The following MFAP5 variants were observed in gnomAD, a reference collection of about 807,000 sequenced individuals.
MFAP5 encodes the protein microfibrillar-associated protein 5.
In MFAP5, 19 loss-of-function variants were observed where a neutral mutation model predicts 30.1. The ratio of observed to expected loss-of-function variants is 0.63; its 90% confidence interval spans 0.44 to 0.93. The LOEUF (loss-of-function observed/expected upper bound fraction) is 0.93, where lower values mean the gene tolerates loss of function less well. Ranked by LOEUF, MFAP5 falls within the 40% of genes least tolerant of loss-of-function variation. MFAP5 has a pLI of 0.00. For synonymous variants in MFAP5, 92 were observed against 72.9 expected, an observed-to-expected ratio of 1.26 and a Z score of -1.33; for missense variants, 210 against 221.3, an observed-to-expected ratio of 0.95 and a Z score of 0.32.
rs1050050138 is a variant in MFAP5 at position 8,662,472 on chromosome 12, G to A, written c.-3+155C>T. The A allele has an allele frequency of 2.3e-5, 5 of 220,582 alleles. No homozygotes were observed. The East Asian group carries it at 4.1e-4, about 18-fold the overall frequency. 13.7% of individuals were successfully genotyped at this position (220,582 alleles called of 1,614,324 possible). On this transcript the variant is annotated intron_variant, in intron 1 of 9. Coordinates refer to ENST00000359478, the MANE Select transcript of MFAP5 (RefSeq NM_003480.4). ...TTTCATATCATCTGCTCATCTTGGCGTCTCCTTCATCAGAATTCCACGGTT... is the reference window on the plus strand; with the variant it reads ...TTTCATATCATCTGCTCATCTTGGCATCTCCTTCATCAGAATTCCACGGTT...
intron 1 of MFAP5, chr12:8,662,418 G>T: frequency 3.6e-6 from 1 of 277,510 alleles, no homozygotes. Flanking sequence ...CCCCTGATGT[G>T]GAATCTTCCT....
In MFAP5 at chr12:8,647,325, C is replaced by T. The variant is rs944788921; in HGVS notation, c.*766G>A. 2 of 152,328 alleles carry T rather than the reference C, an allele frequency of 1.3e-5. No homozygotes were observed. The highest frequency in any genetic ancestry group is 2.9e-5 in the Non-Finnish European group (2 of 68,040). The allele number at this position is 152,328 out of a possible 1,614,324, so 9.4% of individuals were successfully genotyped here. A position where few individuals can be genotyped will look rare whatever the true frequency, so the allele number is the denominator to read the frequency against. ...GGTTCATCCCGGTACTACCCATAAACGAATCAGTAAATGAGACTTAGTTTC... is the reference window on the plus strand; with the variant it reads ...GGTTCATCCCGGTACTACCCATAAATGAATCAGTAAATGAGACTTAGTTTC... On this transcript the variant is annotated 3_prime_UTR_variant, in exon 10 of 10. Transcript: ENST00000359478.
rs377118259 is a variant in MFAP5, at chr12:8,649,314, T to TCTTAGG, written c.409+186_409+187insCCTAAG. Among the ~76,000 whole-genome samples, 2,857 of 152,298 alleles carry TCTTAGG rather than the reference T, an allele frequency of 0.019. 84 individuals carry two copies. Among genetic ancestry groups the TCTTAGG allele is most frequent in the African/African-American group, 0.065 (2,713 of 41,544 alleles). Reference sequence around the variant, plus strand: ...GGGGTACTTTTCTTAGGGTTATGTTTGTATATCAAGCATACTGCTTTATGT... The same window carrying TCTTAGG: ...GGGGTACTTTTCTTAGGGTTATGTTTCTTAGGGTATATCAAGCATACTGCTTTATGT... On this transcript the variant is annotated intron_variant, in intron 9 of 9. Coordinates refer to ENST00000359478, the MANE Select transcript of MFAP5 (RefSeq NM_003480.4).
At chr12:8,656,668 A>ATATTTTTT (rs1174790172) in intron 3 of MFAP5, among the ~76,000 whole-genome samples, 4 of 118,788 alleles carry the variant, frequency 3.4e-5, no homozygotes, top group African/African-American at 1.4e-4. Context: ...ATATATATAT[A>ATATTTTTT]TTTTTTTTTT....
intron 2 of MFAP5, 93 bp from the exon 3 acceptor site, chr12:8,660,991 G>T: frequency 9.2e-7 from 1 of 1,084,154 alleles, no homozygotes; most frequent in Non-Finnish European, 1.4e-6. Flanking sequence ...ATGGAGAAAT[G>T]GTTATACTTT....
rs12813004 is a variant in MFAP5, at chr12:8,649,836, A to G, written c.336-262T>C. ...GTACAGGTGGTTTTTGGTTACATGG[A>G]TAAGTTCTTTAGTGGTGATTTCTGA... is the stretch of plus-strand genomic sequence containing the variant. On this transcript the variant is annotated intron_variant, in intron 8 of 9. Transcript: ENST00000359478. Among the ~76,000 whole-genome samples, 13,312 of 152,092 alleles carry G rather than the reference A, an allele frequency of 0.088. 715 individuals are homozygous for G. Among genetic ancestry groups the G allele is most frequent in the African/African-American group, 0.15 (6,184 of 41,474 alleles).
At position 8,660,880 on chromosome 12, in the gene MFAP5, AC is replaced by A. The variant is rs976326448; in HGVS notation, c.76del (p.Val26SerfsTer9). The A allele has an allele frequency of 6.2e-6, 10 of 1,612,394 alleles. No individual in the cohort carries two copies. Among genetic ancestry groups the A allele is most frequent in the Admixed American group, 1.7e-5 (1 of 59,874 alleles). ...IITSDWIPLG[V>X]NSQRGDDVTQ... is the part of the protein sequence containing the mutation. ...TCACCTACCTCCTCGTTGACTATTG[AC>A]CCCCAGGGGTATCCAGTCTATAGCA... On this transcript the variant is annotated frameshift_variant, in exon 3 of 10. Transcript: ENST00000359478. LOFTEE classifies it high-confidence loss of function.
At chr12:8,657,499 T>C (rs1192308769) in intron 3 of MFAP5, among the ~76,000 whole-genome samples, 1 of 151,702 alleles carries the variant, frequency 6.6e-6, no homozygotes, top group Admixed American at 6.6e-5. Context: ...CCCTTCAATG[T>C]AAATAGCTTA....
At position 8,662,675 on chromosome 12, in the gene MFAP5, T is replaced by A. The variant is rs754117373; in HGVS notation, c.-51A>T. 1 of 152,736 alleles carries A rather than the reference T, an allele frequency of 6.5e-6. No homozygotes were observed. The highest frequency in any genetic ancestry group is 1.9e-4 in the East Asian group (1 of 5,198). The allele number at this position is 152,736 out of a possible 1,614,324, so 9.5% of individuals were successfully genotyped here. On this transcript the variant is annotated 5_prime_UTR_variant, in exon 1 of 10. Coordinates refer to ENST00000359478, the MANE Select transcript of MFAP5 (RefSeq NM_003480.4). ...CACCGAGTCCTTTGGCTGCTGAATG[T>A]GTCTCTCTCCTCTTACGCTGTTCCT...
At chr12:8,656,311 G>C (rs1216824507) in intron 3 of MFAP5, among the ~76,000 whole-genome samples, 1 of 151,752 alleles carries the variant, frequency 6.6e-6, no homozygotes, top group East Asian at 1.9e-4. Context: ...GCCTCCCAAA[G>C]TGCTGGGATT....
chr12:8,653,170 CA>C (rs1941886553), intron 6 of MFAP5, among the ~76,000 whole-genome samples: 1 of 142,570 alleles, frequency 7.0e-6, no homozygotes, highest in Admixed American at 7.2e-5. Flanking sequence ...CCAGCCTGGG[CA>C]ACAAGACCAA....
At chr12:8,654,159 A>G (rs969310963) in intron 6 of MFAP5, 7 of 333,442 alleles carry the variant, frequency 2.1e-5, no homozygotes, top group Non-Finnish European at 3.8e-5. Flanking sequence ...CAGTCAAAGC[A>G]TTACTTCTTC....
At chr12:8,653,667 C>A (rs1001855819) in intron 6 of MFAP5, among the ~76,000 whole-genome samples, 1 of 152,182 alleles carries the variant, frequency 6.6e-6, no homozygotes, top group Non-Finnish European at 1.5e-5. Context: ...AGAACTCTTT[C>A]TGTGTCTTCC....
chr12:8,653,412 G>T (rs1426858042), intron 6 of MFAP5, among the ~76,000 whole-genome samples: 2 of 152,014 alleles, frequency 1.3e-5, no homozygotes, highest in Admixed American at 6.6e-5. Context: ...TACAGTAGGG[G>T]GTTTGGAAGT....
In MFAP5 at chr12:8,646,677, C is replaced by T. The variant is rs1180039092; in HGVS notation, c.*1414G>A. The T allele has an allele frequency of 8.6e-5, 13 of 151,982 alleles. No individual in the cohort carries two copies. Among genetic ancestry groups the T allele is most frequent in the Admixed American group, 7.9e-4 (12 of 15,252 alleles). The allele number at this position is 151,982 out of a possible 1,614,324, so 9.4% of individuals were successfully genotyped here. A position where few individuals can be genotyped will look rare whatever the true frequency, so the allele number is the denominator to read the frequency against. On this transcript the variant is annotated 3_prime_UTR_variant, in exon 10 of 10. Transcript: ENST00000359478. ...AAGATGGACTTTTGCTTTTGTCACC[C>T]AGGCTGGAGTGCAATGGCGCCATCT...
At chr12:8,652,281 C>T (rs1248387077) in intron 6 of MFAP5, among the ~76,000 whole-genome samples, 2 of 151,896 alleles carry the variant, frequency 1.3e-5, no homozygotes, top group Non-Finnish European at 2.9e-5. Flanking sequence ...CCCCTCTCTA[C>T]TAAAAATACA....
At chr12:8,660,260 C>G (rs1046086564) in intron 3 of MFAP5, among the ~76,000 whole-genome samples, 63 of 150,174 alleles carry the variant, frequency 4.2e-4, no homozygotes, top group African/African-American at 1.5e-3. Flanking sequence ...ATGATCATGG[C>G]TCACTGCAAC....
In MFAP5 at chr12:8,647,437, C is replaced by G. The variant is rs899470116; in HGVS notation, c.*654G>C. The G allele has an allele frequency of 6.6e-6, 1 of 152,186 alleles. No homozygotes were observed. Among genetic ancestry groups the G allele is most frequent in the Admixed American group, 6.5e-5 (1 of 15,284 alleles). 9.4% of individuals were successfully genotyped at this position (152,186 alleles called of 1,614,324 possible). A position where few individuals can be genotyped will look rare whatever the true frequency, so the allele number is the denominator to read the frequency against. ...TTCTATAGCTGGCATAGTCCTCATGCTTTAGCCCCAGCCTCTGAGCTTAGC... is the reference window on the plus strand; with the variant it reads ...TTCTATAGCTGGCATAGTCCTCATGGTTTAGCCCCAGCCTCTGAGCTTAGC... On this transcript the variant is annotated 3_prime_UTR_variant, in exon 10 of 10. Transcript: ENST00000359478.
rs143508503 is a variant in MFAP5, at chr12:8,655,826, A to G, written c.99T>C (p.Asp33=). ...PLGVNSQRGD[D]VTQATPETFT... is the part of the protein sequence containing the mutation. The stretch of plus-strand genomic sequence containing the variant: ...ATGTTTCTGGAGTCGCTTGAGTCAC[A>G]TCGTCTGAAAAGAAAATTAGAAAAC... Residue 33 remains aspartate, a synonymous_variant, in exon 4 of 10, where the codon GAT becomes GAC. Coordinates refer to ENST00000359478, the MANE Select transcript of MFAP5 (RefSeq NM_003480.4). The G allele has an allele frequency of 3.8e-5, 62 of 1,611,236 alleles. No homozygotes were observed. Among genetic ancestry groups the G allele is most frequent in the Non-Finnish European group, 5.2e-5 (61 of 1,179,258 alleles).
Sources: gnomAD v4.1 joint callset for allele counts (sites outside exome capture counted in the v4.1 genomes callset) on GRCh38, gnomAD v4.1.1 for gene constraint, MANE v1.5 for transcripts, NCBI Gene and HGNC (gene_info 2026-07-23, HGNC 2026-07-21) for gene names.